The following PVT1 variants were observed in gnomAD, a reference collection of about 807,000 sequenced individuals.
PVT1 encodes the protein Pvt1 oncogene.
intron 5 of PVT1, among the ~76,000 whole-genome samples, chr8:128,087,515 T>A (rs1814273541): frequency 6.6e-6 from 1 of 152,164 alleles, no homozygotes; most frequent in African/African-American, 2.4e-5. Flanking sequence ...ACACCACAAC[T>A]GCCGTTTTAG....
At chr8:128,032,990 G>A (rs1205724548) in intron 4 of PVT1, among the ~76,000 whole-genome samples, 2 of 152,152 alleles carry the variant, frequency 1.3e-5, no homozygotes, top group Non-Finnish European at 2.9e-5. Context: ...GAGGGTGAGG[G>A]TGCAGGTAGG....
chr8:127,858,805 CTTTTTTTTTTTTTTTTTTTTT>C (rs35886687), intron 2 of PVT1, among the ~76,000 whole-genome samples: 1 of 47,310 alleles, frequency 2.1e-5, no homozygotes, highest in Non-Finnish European at 4.2e-5. Context: ...CTTGAAGATT[CTTTTTTTTTTTTTTTTTTTTT>C]TTTTTTTGAG....
chr8:127,824,018 G>C (rs946276895), intron 2 of PVT1, among the ~76,000 whole-genome samples: 1 of 152,114 alleles, frequency 6.6e-6, no homozygotes, highest in Non-Finnish European at 1.5e-5. Context: ...CAAAGCGAGA[G>C]CCTGTCTCTA....
intron 3 of PVT1, among the ~76,000 whole-genome samples, chr8:127,911,861 C>T (rs1020372361): frequency 1.2e-4 from 19 of 152,310 alleles, no homozygotes; most frequent in African/African-American, 4.3e-4. Flanking sequence ...TTATCTTAGG[C>T]GATGGCCAAA....
chr8:127,842,020 G>T (rs1191628013), intron 2 of PVT1, among the ~76,000 whole-genome samples: 2 of 151,550 alleles, frequency 1.3e-5, no homozygotes, highest in East Asian at 3.9e-4. Flanking sequence ...CACTGCGCCT[G>T]GCTAAAGTTG....
chr8:128,049,456 T>C (rs1260852613), intron 4 of PVT1, among the ~76,000 whole-genome samples: 1 of 152,182 alleles, frequency 6.6e-6, no homozygotes, highest in Non-Finnish European at 1.5e-5. Flanking sequence ...GGGGATTCTG[T>C]GGCTCTGTAG....
At chr8:127,851,496 G>C (rs1054835521) in intron 2 of PVT1, among the ~76,000 whole-genome samples, 1 of 152,176 alleles carries the variant, frequency 6.6e-6, no homozygotes, top group Non-Finnish European at 1.5e-5. Flanking sequence ...GAGCAAGTGA[G>C]ATGATGTAGC....
intron 4 of PVT1, among the ~76,000 whole-genome samples, chr8:128,059,375 A>G (rs1444529015): frequency 1.3e-5 from 2 of 152,128 alleles, no homozygotes; most frequent in African/African-American, 2.4e-5. Flanking sequence ...TGGTCAAACT[A>G]TGCCTCATGG....
chr8:128,097,164 C>A (rs1011057059), intron 6 of PVT1, among the ~76,000 whole-genome samples: 1 of 152,184 alleles, frequency 6.6e-6, no homozygotes, highest in African/African-American at 2.4e-5. Flanking sequence ...AGTTCGAGAC[C>A]AGCCTGGCCA....
At chr8:127,844,954 C>T (rs1413786282) in intron 2 of PVT1, among the ~76,000 whole-genome samples, 1 of 152,116 alleles carries the variant, frequency 6.6e-6, no homozygotes, top group Non-Finnish European at 1.5e-5. Context: ...ACCTCGTGAT[C>T]CACCTGCCTC....
intron 3 of PVT1, chr8:127,948,033 A>G (rs1387471617): frequency 2.5e-6 from 1 of 399,340 alleles, no homozygotes; most frequent in East Asian, 7.1e-5. Flanking sequence ...TGTTGGTCTC[A>G]TTTGTTGAAA....
rs1011484719 is a variant in PVT1 at position 127,992,379 on chromosome 8, T to G, written n.912+3088T>G. On this transcript the variant is annotated intron_variant and non_coding_transcript_variant, in intron 4 of 10. Coordinates refer to ENST00000651587, the Ensembl canonical transcript of PVT1. ...CAGCCTGGGCAACAGAGCAAGACTC[T>G]GTCTCAAAACACACGTACAAATTTT... 3.3e-5 allele frequency among the ~76,000 whole-genome samples: 5 copies of G among 152,356 alleles called. No individual in the cohort carries two copies. In the South Asian group the frequency reaches 6.2e-4, roughly 19 times the overall value.
At chr8:128,013,180 C>G (rs975461308) in intron 4 of PVT1, among the ~76,000 whole-genome samples, 5 of 152,186 alleles carry the variant, frequency 3.3e-5, no homozygotes, top group Non-Finnish European at 7.3e-5. Flanking sequence ...GGCCACCCCC[C>G]CTTCCCTGTG....
intron 2 of PVT1, among the ~76,000 whole-genome samples, chr8:127,862,080 T>G (rs1452383077): frequency 1.3e-5 from 2 of 152,174 alleles, no homozygotes; most frequent in Non-Finnish European, 2.9e-5. Context: ...AGTGTGAGCA[T>G]TCTAATTACT....
intron 3 of PVT1, among the ~76,000 whole-genome samples, chr8:127,907,685 A>G (rs1586430886): frequency 6.6e-6 from 1 of 152,342 alleles, no homozygotes; most frequent in South Asian, 2.1e-4. Context: ...GATTTGGGTC[A>G]GGAAGCCCAG....
intron 2 of PVT1, among the ~76,000 whole-genome samples, chr8:127,819,445 CGTT>C (rs1451385686): frequency 1.3e-5 from 2 of 152,170 alleles, no homozygotes; most frequent in Admixed American, 6.6e-5. Context: ...AGTAATTTCT[CGTT>C]GTACAAACGG....
intron 3 of PVT1, among the ~76,000 whole-genome samples, chr8:127,982,542 G>T (rs186665799): frequency 8.5e-5 from 13 of 152,060 alleles, no homozygotes; most frequent in Non-Finnish European, 1.5e-4. Context: ...GGGTTCAGTG[G>T]CTCATGCCTG....
intron 4 of PVT1, among the ~76,000 whole-genome samples, chr8:128,069,155 G>A (rs919905780): frequency 5.3e-5 from 8 of 152,158 alleles, no homozygotes; most frequent in South Asian, 2.1e-4. Flanking sequence ...AAGGTATTGC[G>A]TCCTTCCTGA....
chr8:127,827,065 G>A (rs1232780906), intron 2 of PVT1, among the ~76,000 whole-genome samples: 1 of 127,722 alleles, frequency 7.8e-6, no homozygotes, highest in Non-Finnish European at 1.5e-5. Context: ...GCACCATCTT[G>A]GCTCACCGTA....
Sources: gnomAD v4.1 joint callset for allele counts (sites outside exome capture counted in the v4.1 genomes callset) on GRCh38, gnomAD v4.1.1 for gene constraint, MANE v1.5 for transcripts, NCBI Gene and HGNC (gene_info 2026-07-23, HGNC 2026-07-21) for gene names.